Variants in LVRN observed in about 807,000 individuals in gnomAD.
LVRN encodes the protein laeverin, also known as aminopeptidase Q.
LVRN carries 99 observed loss-of-function variants against 111.4 expected under a neutral mutation model. That is an observed-to-expected ratio of 0.89 (90% CI 0.76 to 1.05). The LOEUF (loss-of-function observed/expected upper bound fraction) is 1.05, where lower values mean the gene tolerates loss of function less well. Among genes scored for constraint, LVRN ranks in the 50% least tolerant of loss-of-function variants. The pLI, the probability that LVRN is intolerant of heterozygous loss-of-function variation, is 0.00. For missense variants in LVRN, 1,414 were observed against 1,206.8 expected (o/e 1.17, Z -2.54); for synonymous variants, 488 against 449.5 (o/e 1.09, Z -1.08).
rs531832097 is a variant in LVRN, at chr5:116,021,987, C to T, written c.2757-404C>T. On this transcript the variant is annotated intron_variant, in intron 18 of 19. Transcript: ENST00000357872. The stretch of plus-strand genomic sequence containing the variant: ...CATAAATACAACATTTTTAAATACA[C>T]GTTCAGGGGGCTTTAGTCAGCAGTT... Among the ~76,000 whole-genome samples, 8 of 152,208 alleles carry T rather than the reference C, an allele frequency of 5.3e-5. No homozygotes were observed. In the South Asian group the frequency reaches 1.2e-3, roughly 24 times the overall value.
rs539685824 is a variant in LVRN at position 115,962,644 on chromosome 5, C to G, written c.27C>G (p.Phe9Leu). Residue 9 changes from phenylalanine to leucine, a missense_variant, in exon 1 of 20, where the codon TTC becomes TTG. Coordinates refer to ENST00000357872, the MANE Select transcript of LVRN (RefSeq NM_173800.5). ...TGGGGCCCCCTTCCAGCTCAGGCTT[C>G]TATGTGAGCCGCGCAGTGGCCCTGC... MGPPSSSG[F>L]YVSRAVALLL... 13 of 1,606,024 alleles carry G rather than the reference C, an allele frequency of 8.1e-6. No individual in the cohort carries two copies. The South Asian group carries it at 1.3e-4, about 16-fold the overall frequency.
chr5:115,970,651 C>A (rs1753305713), intron 1 of LVRN, among the ~76,000 whole-genome samples: 1 of 152,158 alleles, frequency 6.6e-6, no homozygotes, highest in Non-Finnish European at 1.5e-5. Flanking sequence ...TCCCAAAGTG[C>A]TGGGATTACA....
intron 1 of LVRN, among the ~76,000 whole-genome samples, chr5:115,980,344 G>A (rs1348992927): frequency 6.6e-6 from 1 of 151,952 alleles, no homozygotes; most frequent in Non-Finnish European, 1.5e-5. Flanking sequence ...CTTGACTTTT[G>A]CAGTTAAGGT....
chr5:116,009,857 C>T (rs1051899428), intron 13 of LVRN, among the ~76,000 whole-genome samples: 1 of 152,092 alleles, frequency 6.6e-6, no homozygotes, highest in Non-Finnish European at 1.5e-5. Context: ...GCTGAAATGA[C>T]AACAAAGGAT....
chr5:116,013,969 T>A (rs921167158), intron 15 of LVRN, among the ~76,000 whole-genome samples: 1 of 152,168 alleles, frequency 6.6e-6, no homozygotes. Context: ...AAACAAATTG[T>A]AGAAGGAGAG....
intron 1 of LVRN, among the ~76,000 whole-genome samples, chr5:115,969,290 T>G (rs1293956063): frequency 2.6e-5 from 4 of 152,124 alleles, no homozygotes; most frequent in African/African-American, 9.7e-5. Flanking sequence ...GTTTTGTACT[T>G]TTTTTCTCCT....
chr5:116,005,596 G>A (rs1469964630), intron 12 of LVRN, among the ~76,000 whole-genome samples: 1 of 152,142 alleles, frequency 6.6e-6, no homozygotes, highest in Non-Finnish European at 1.5e-5. Flanking sequence ...ATGTATACTT[G>A]TTTTGGGGAG....
At chr5:115,994,565 G>T (rs10066614) in intron 6 of LVRN, among the ~76,000 whole-genome samples, 29,015 of 152,048 alleles carry the variant, frequency 0.19, 3,233 homozygotes, top group East Asian at 0.48. Context: ...GAGCTACCGC[G>T]CCCAACCTAG....
chr5:115,987,791 C>G (rs1217039541), intron 3 of LVRN, 22 bp from the exon 4 acceptor site: 1 of 1,604,676 alleles, frequency 6.2e-7, no homozygotes, highest in South Asian at 1.1e-5. Context: ...TTCCTAATCA[C>G]TGCTTAACTG....
Position 115,983,267 on chromosome 5 carries a change from T to G in LVRN, c.696-20T>G, listed in dbSNP as rs756380397. The G allele has an allele frequency of 1.3e-6, 2 of 1,526,634 alleles. No homozygotes were observed. Among genetic ancestry groups the G allele is most frequent in the Non-Finnish European group, 8.8e-7 (1 of 1,141,850 alleles). 94.6% of individuals were successfully genotyped at this position (1,526,634 alleles called of 1,614,324 possible). The stretch of plus-strand genomic sequence containing the variant: ...GGTTGAAATAAAAATAAATAAAAAT[T>G]TCCCCAAAATGTATTTCAGGGCCCT... On this transcript the variant is annotated intron_variant, in intron 1 of 19. Transcript: ENST00000357872.
At chr5:115,974,959 CT>C in intron 1 of LVRN, 3 of 426,634 alleles carry the variant, frequency 7.0e-6, no homozygotes, top group Admixed American at 2.8e-5. Context: ...CTGCAACTGC[CT>C]TTTGGGAAAT....
intron 6 of LVRN, among the ~76,000 whole-genome samples, chr5:115,998,136 A>C (rs1211540517): frequency 6.6e-6 from 1 of 152,220 alleles, no homozygotes; most frequent in Non-Finnish European, 1.5e-5. Context: ...GGAAATGATT[A>C]AATCAATTAT....
intron 18 of LVRN, among the ~76,000 whole-genome samples, chr5:116,020,381 G>T (rs1022328176): frequency 1.3e-5 from 2 of 152,096 alleles, no homozygotes; most frequent in Non-Finnish European, 2.9e-5. Context: ...TATTTGTTCC[G>T]TTATCATCTC....
chr5:116,020,717 C>A (rs543439021), intron 18 of LVRN, among the ~76,000 whole-genome samples: 1 of 152,258 alleles, frequency 6.6e-6, no homozygotes, highest in South Asian at 2.1e-4. Context: ...AGGCTGGATG[C>A]CTTGGTGTTC....
chr5:115,996,150 G>T (rs1231477761), intron 6 of LVRN, among the ~76,000 whole-genome samples: 1 of 152,108 alleles, frequency 6.6e-6, no homozygotes, highest in Non-Finnish European at 1.5e-5. Flanking sequence ...TAACTCTGTG[G>T]ATAGAGTAAA....
rs138021302 is a variant in LVRN at position 115,981,895 on chromosome 5, A to T, written c.696-1392A>T. Reference sequence around the variant, plus strand: ...TCAAAGGTGATTTATTGGTAAATGTAATTACCAATAATTTAAAAGTTCAAA... The same window carrying T: ...TCAAAGGTGATTTATTGGTAAATGTTATTACCAATAATTTAAAAGTTCAAA... On this transcript the variant is annotated intron_variant, in intron 1 of 19. Coordinates refer to ENST00000357872, the MANE Select transcript of LVRN (RefSeq NM_173800.5). Among the ~76,000 whole-genome samples, 1,097 of 152,266 alleles carry T rather than the reference A, an allele frequency of 7.2e-3. 26 individuals are homozygous for T. The highest frequency in any genetic ancestry group is 0.025 in the African/African-American group (1,047 of 41,556).
chr5:116,000,464 T>C lies in LVRN; in HGVS notation c.1547T>C (p.Phe516Ser), dbSNP rs1320901723. ...TCTATGGCCCGGATGCTTTCTTGTT[T>C]CTTGAATGAGCATTTATTTGTCAGT... ...GASMARMLSC[F>S]LNEHLFVSAL... The change falls in exon 8 of 20, where the codon TTC becomes TCC. Residue 516 changes from phenylalanine to serine, a missense_variant. Physicochemically the swap from Phe to Ser is radical, Grantham distance 155. Coordinates refer to ENST00000357872, the MANE Select transcript of LVRN (RefSeq NM_173800.5). 2 of 1,614,206 alleles carry C rather than the reference T, an allele frequency of 1.2e-6. No individual in the cohort carries two copies. The highest frequency in any genetic ancestry group is 8.5e-7 in the Non-Finnish European group (1 of 1,180,020).
At chr5:116,021,701 T>G in intron 18 of LVRN, 1 of 451,424 alleles carries the variant, frequency 2.2e-6, no homozygotes, top group African/African-American at 2.0e-5. Context: ...TCCTTTTTAA[T>G]GCACCCAAAG....
chr5:115,969,934 A>G (rs1453480593), intron 1 of LVRN, among the ~76,000 whole-genome samples: 1 of 151,818 alleles, frequency 6.6e-6, no homozygotes, highest in African/African-American at 2.4e-5. Context: ...TAGCTGTTTT[A>G]ATGTTCTTCT....
Sources: gnomAD v4.1 joint callset for allele counts (sites outside exome capture counted in the v4.1 genomes callset) on GRCh38, gnomAD v4.1.1 for gene constraint, MANE v1.5 for transcripts, NCBI Gene and HGNC (gene_info 2026-07-23, HGNC 2026-07-21) for gene names.